The following WDFY2 variants were observed in gnomAD, a reference collection of about 807,000 sequenced individuals.
WDFY2 encodes the protein WD repeat and FYVE domain containing 2, also known as WD repeat and FYVE domain-containing protein 2.
A neutral mutation model predicts 56.4 loss-of-function variants in WDFY2; 36 were observed. The observed-to-expected ratio is 0.64, with a 90% confidence interval of 0.49 to 0.84. WDFY2 has a LOEUF of 0.84. Ranked by LOEUF, WDFY2 falls within the 40% of genes least tolerant of loss-of-function variation. The probability of loss-of-function intolerance (pLI) is 0.00; values close to 1 mark genes in which losing one functional copy is unlikely to be tolerated. For synonymous variants in WDFY2, 176 were observed against 183.7 expected, an observed-to-expected ratio of 0.96 and a Z score of 0.34; for missense variants, 444 against 512.2, an observed-to-expected ratio of 0.87 and a Z score of 1.29.
At chr13:51,676,494 G>T (rs1955891140) in intron 3 of WDFY2, among the ~76,000 whole-genome samples, 1 of 152,178 alleles carries the variant, frequency 6.6e-6, no homozygotes, top group African/African-American at 2.4e-5. Context: ...AGTTCAACTG[G>T]ACTTGTAACT....
chr13:51,685,806 C>G (rs1253554349), intron 3 of WDFY2, among the ~76,000 whole-genome samples: 1 of 152,112 alleles, frequency 6.6e-6, no homozygotes, highest in Non-Finnish European at 1.5e-5. Context: ...TTTTCTTTAT[C>G]TCCATTAGCC....
At chr13:51,678,721 G>A (rs1235247238) in intron 3 of WDFY2, among the ~76,000 whole-genome samples, 1 of 151,986 alleles carries the variant, frequency 6.6e-6, no homozygotes, top group Admixed American at 6.6e-5. Flanking sequence ...TGTGGCTTCT[G>A]GTCTCAAAGA....
intron 3 of WDFY2, among the ~76,000 whole-genome samples, chr13:51,696,131 A>G (rs1425140525): frequency 6.6e-6 from 1 of 152,178 alleles, no homozygotes; most frequent in Non-Finnish European, 1.5e-5. Flanking sequence ...GCGCTTCCCG[A>G]GTGAGGCAAT....
At chr13:51,726,020 A>G (rs1483443660) in intron 5 of WDFY2, among the ~76,000 whole-genome samples, 1 of 152,204 alleles carries the variant, frequency 6.6e-6, no homozygotes, top group Non-Finnish European at 1.5e-5. Flanking sequence ...ACAAAATTCT[A>G]AAATAGGAAC....
At chr13:51,638,820 C>T (rs1238868589) in intron 1 of WDFY2, among the ~76,000 whole-genome samples, 3 of 152,110 alleles carry the variant, frequency 2.0e-5, no homozygotes, top group Non-Finnish European at 4.4e-5. Flanking sequence ...TGCTTCATTA[C>T]GGAATGGCCT....
At chr13:51,624,943 C>A (rs1419286832) in intron 1 of WDFY2, among the ~76,000 whole-genome samples, 1 of 152,136 alleles carries the variant, frequency 6.6e-6, no homozygotes, top group Non-Finnish European at 1.5e-5. Context: ...TGTCACAAGA[C>A]AAAAAGTGTT....
rs1953750326 is a variant in WDFY2, at chr13:51,766,406, T to C, written c.*6637T>C. ...TCTGGACCTGGCTGCAGTGGGCATATTACCGTATGGATATCTTTTTCTTTC... is the reference window on the plus strand; with the variant it reads ...TCTGGACCTGGCTGCAGTGGGCATACTACCGTATGGATATCTTTTTCTTTC... On this transcript the variant is annotated 3_prime_UTR_variant, in exon 12 of 12. Coordinates refer to ENST00000298125, the MANE Select transcript of WDFY2 (RefSeq NM_052950.4). 1 of 152,224 alleles carries C rather than the reference T, an allele frequency of 6.6e-6. No individual in the cohort carries two copies. Among genetic ancestry groups the C allele is most frequent in the Non-Finnish European group, 1.5e-5 (1 of 68,036 alleles). The allele number at this position is 152,224 out of a possible 1,614,324, so 9.4% of individuals were successfully genotyped here. A position where few individuals can be genotyped will look rare whatever the true frequency, so the allele number is the denominator to read the frequency against.
At chr13:51,632,897 T>C (rs1259015307) in intron 1 of WDFY2, among the ~76,000 whole-genome samples, 1 of 152,244 alleles carries the variant, frequency 6.6e-6, no homozygotes, top group Non-Finnish European at 1.5e-5. Context: ...AACTGAAATA[T>C]GCTTTGTCAG....
chr13:51,740,687 C>T, intron 7 of WDFY2, among the ~76,000 whole-genome samples: 1 of 150,140 alleles, frequency 6.7e-6, no homozygotes, highest in East Asian at 1.9e-4. Context: ...GCACTCCAGC[C>T]TGGGCAACAG....
At chr13:51,752,410 G>T (rs540488401) in intron 8 of WDFY2, among the ~76,000 whole-genome samples, 2 of 152,342 alleles carry the variant, frequency 1.3e-5, no homozygotes, top group South Asian at 2.1e-4. Flanking sequence ...TCGTTGTGAT[G>T]AGTGCTGGTC....
At chr13:51,667,933 C>T (rs1162811476) in intron 2 of WDFY2, among the ~76,000 whole-genome samples, 3 of 131,998 alleles carry the variant, frequency 2.3e-5, no homozygotes, top group Non-Finnish European at 4.6e-5. Context: ...GCTCTGTCAC[C>T]CAGGCTGCAG....
intron 7 of WDFY2, among the ~76,000 whole-genome samples, chr13:51,740,306 C>T (rs1003099225): frequency 3.9e-5 from 6 of 152,232 alleles, no homozygotes; most frequent in Admixed American, 3.9e-4. Context: ...TGGGGCCACT[C>T]AGACCTTGTC....
At chr13:51,724,107 T>C (rs1344149347) in intron 5 of WDFY2, among the ~76,000 whole-genome samples, 1 of 151,994 alleles carries the variant, frequency 6.6e-6, no homozygotes, top group Non-Finnish European at 1.5e-5. Flanking sequence ...GGTTGGTTGG[T>C]TGTTTTTAAA....
At chr13:51,596,974 G>A (rs1954163327) in intron 1 of WDFY2, among the ~76,000 whole-genome samples, 1 of 152,128 alleles carries the variant, frequency 6.6e-6, no homozygotes, top group Non-Finnish European at 1.5e-5. Context: ...TGTAGTATAC[G>A]GAGAAGAAGC....
rs1271677984 is a variant in WDFY2, at chr13:51,765,812, G to A, written c.*6043G>A. 6.6e-6 allele frequency: 1 copy of A among 152,062 alleles called. No homozygotes were observed. The highest frequency in any genetic ancestry group is 2.1e-4 in the South Asian group (1 of 4,826). The allele number at this position is 152,062 out of a possible 1,614,324, so 9.4% of individuals were successfully genotyped here. On this transcript the variant is annotated 3_prime_UTR_variant, in exon 12 of 12. Coordinates refer to ENST00000298125, the MANE Select transcript of WDFY2 (RefSeq NM_052950.4). ...AAAAATTCTTTTTAAAGATGGTAAG[G>A]GTGGAAATTAATCATGGTACCATCT...
intron 1 of WDFY2, among the ~76,000 whole-genome samples, chr13:51,647,204 C>T (rs1201880655): frequency 1.3e-5 from 2 of 152,140 alleles, no homozygotes; most frequent in Non-Finnish European, 2.9e-5. Flanking sequence ...CATGTGTCAC[C>T]TAACAGTGGG....
intron 3 of WDFY2, among the ~76,000 whole-genome samples, chr13:51,694,496 A>G (rs1397274505): frequency 6.6e-6 from 1 of 152,224 alleles, no homozygotes; most frequent in East Asian, 1.9e-4. Context: ...TTCTTTAAGA[A>G]TGTTGAATAT....
chr13:51,720,215 A>G (rs1952456474), intron 5 of WDFY2, among the ~76,000 whole-genome samples: 1 of 152,240 alleles, frequency 6.6e-6, no homozygotes, highest in Non-Finnish European at 1.5e-5. Flanking sequence ...GATTCGCAAC[A>G]TCTGACAAAG....
At chr13:51,599,621 C>G (rs1954227156) in intron 1 of WDFY2, among the ~76,000 whole-genome samples, 1 of 152,150 alleles carries the variant, frequency 6.6e-6, no homozygotes, top group Non-Finnish European at 1.5e-5. Flanking sequence ...AGAACTAAGT[C>G]CATTGGCCAG....
Sources: gnomAD v4.1 joint callset for allele counts (sites outside exome capture counted in the v4.1 genomes callset) on GRCh38, gnomAD v4.1.1 for gene constraint, MANE v1.5 for transcripts, NCBI Gene and HGNC (gene_info 2026-07-23, HGNC 2026-07-21) for gene names.